Variants in EEF1AKMT1 observed in about 807,000 individuals in gnomAD.
EEF1AKMT1 encodes N-6 adenine-specific DNA methyltransferase 2 (putative).
In EEF1AKMT1, 18 loss-of-function variants were observed where a neutral mutation model predicts 21.0. That is an observed-to-expected ratio of 0.86 (90% CI 0.59 to 1.27). EEF1AKMT1 has a LOEUF of 1.27. Ranked by LOEUF, EEF1AKMT1 falls within the 50% of genes most tolerant of loss-of-function variation. EEF1AKMT1 has a pLI of 0.00. For synonymous variants in EEF1AKMT1, 109 were observed against 94.8 expected, an observed-to-expected ratio of 1.15 and a Z score of -0.87; for missense variants, 246 against 258.6, an observed-to-expected ratio of 0.95 and a Z score of 0.33.
rs141242366 is a variant in EEF1AKMT1 at position 20,754,125 on chromosome 13, A to C, written c.144+3330T>G. Among the ~76,000 whole-genome samples the C allele has an allele frequency of 1.8e-3, 281 of 152,218 alleles. 4 individuals are homozygous for C. The highest frequency in any genetic ancestry group is 6.3e-3 in the African/African-American group (261 of 41,552). On this transcript the variant is annotated intron_variant, in intron 2 of 4. Transcript: ENST00000382758. ...AGATTTCATCCTTTTGCTTCAATGC[A>C]TAGGACTCCTTTAAGTATTTCTTGC...
At chr13:20,746,544 T>C (rs918694217) in intron 2 of EEF1AKMT1, among the ~76,000 whole-genome samples, 1 of 152,216 alleles carries the variant, frequency 6.6e-6, no homozygotes, top group African/African-American at 2.4e-5. Flanking sequence ...ATACAGAGAA[T>C]GGAAGGGCTT....
chr13:20,747,943 G>T, intron 2 of EEF1AKMT1: 1 of 215,340 alleles, frequency 4.6e-6, no homozygotes, highest in South Asian at 9.1e-5. Flanking sequence ...ACCCAAGGTA[G>T]CTATGTACGT....
In EEF1AKMT1 at chr13:20,739,630, A is replaced by G. The variant is rs560794849; in HGVS notation, c.145-1825T>C. On this transcript the variant is annotated intron_variant, in intron 2 of 4. Transcript: ENST00000382758. ...CAGATTAGCTAGACACAGAGCACTG[A>G]TTGGTGCATTTACAAACCTTGAACT... is the stretch of plus-strand genomic sequence containing the variant. Among the ~76,000 whole-genome samples the G allele has an allele frequency of 7.0e-4, 107 of 152,210 alleles. 1 individual carries two copies. Among genetic ancestry groups the G allele is most frequent in the Non-Finnish European group, 9.0e-4 (61 of 68,034 alleles).
chr13:20,752,297 C>G (rs1203722670), intron 2 of EEF1AKMT1, among the ~76,000 whole-genome samples: 1 of 151,980 alleles, frequency 6.6e-6, no homozygotes, highest in Non-Finnish European at 1.5e-5. Flanking sequence ...CATATATAGC[C>G]TTTATTATGA....
chr13:20,730,341 C>T (rs2141408805), intron 4 of EEF1AKMT1, among the ~76,000 whole-genome samples: 1 of 152,284 alleles, frequency 6.6e-6, no homozygotes, highest in African/African-American at 2.4e-5. Context: ...AGAACAGCTT[C>T]CCGTGGCTCC....
chr13:20,742,784 T>C (rs2058879175), intron 2 of EEF1AKMT1, among the ~76,000 whole-genome samples: 1 of 152,218 alleles, frequency 6.6e-6, no homozygotes, highest in Admixed American at 6.5e-5. Flanking sequence ...GCCTCTCTTG[T>C]TGCAACAAGT....
At chr13:20,755,216 C>G (rs1455118745) in intron 2 of EEF1AKMT1, among the ~76,000 whole-genome samples, 1 of 152,224 alleles carries the variant, frequency 6.6e-6, no homozygotes, top group African/African-American at 2.4e-5. Flanking sequence ...CTGGTGGCAG[C>G]AGACCACAGC....
chr13:20,766,122 A>T (rs1026059994), intron 1 of EEF1AKMT1, among the ~76,000 whole-genome samples: 6 of 151,696 alleles, frequency 4.0e-5, no homozygotes, highest in Non-Finnish European at 7.4e-5. Flanking sequence ...ACATGGTGAA[A>T]CCCCATCTCT....
At chr13:20,760,164 G>A (rs1181781552) in intron 1 of EEF1AKMT1, among the ~76,000 whole-genome samples, 1 of 149,504 alleles carries the variant, frequency 6.7e-6, no homozygotes, top group African/African-American at 2.5e-5. Context: ...TATGAGAAAA[G>A]GGAATGCTTA....
intron 1 of EEF1AKMT1, among the ~76,000 whole-genome samples, chr13:20,761,309 CT>C (rs1243342008): frequency 6.6e-6 from 1 of 152,174 alleles, no homozygotes; most frequent in Non-Finnish European, 1.5e-5. Context: ...AATTTTGTCA[CT>C]TTAGATAAAT....
rs558165982 is a variant in EEF1AKMT1, at chr13:20,728,759, T to C, written c.*321A>G. ...TGGCCCGAGGCAGAGGCCAAGGTCC[T>C]GTCTCATTCAGGAGCCCTTGGGCAA... On this transcript the variant is annotated 3_prime_UTR_variant, in exon 5 of 5. Coordinates refer to ENST00000382758, the MANE Select transcript of EEF1AKMT1 (RefSeq NM_001318939.2). 43 of 347,534 alleles carry C rather than the reference T, an allele frequency of 1.2e-4. No individual in the cohort carries two copies. Among genetic ancestry groups the C allele is most frequent in the African/African-American group, 8.6e-4 (41 of 47,590 alleles). The allele number at this position is 347,534 out of a possible 1,614,324, so 21.5% of individuals were successfully genotyped here.
intron 2 of EEF1AKMT1, among the ~76,000 whole-genome samples, chr13:20,748,299 G>A (rs1052533534): frequency 8.0e-4 from 122 of 152,222 alleles, no homozygotes; most frequent in African/African-American, 2.7e-3. Flanking sequence ...AGCCGGGCAT[G>A]GTGGCGGGCG....
chr13:20,741,436 G>GT (rs1303046563), intron 2 of EEF1AKMT1, among the ~76,000 whole-genome samples: 9 of 141,142 alleles, frequency 6.4e-5, no homozygotes, highest in African/African-American at 2.4e-4. Context: ...TTTGTTTGTT[G>GT]TTTTTTAACA....
intron 3 of EEF1AKMT1, among the ~76,000 whole-genome samples, chr13:20,735,398 G>A (rs1190605079): frequency 6.6e-6 from 1 of 152,190 alleles, no homozygotes; most frequent in Non-Finnish European, 1.5e-5. Context: ...GAAGGAAGAT[G>A]CCAGGCACAG....
At chr13:20,772,645 G>A (rs1566541688) in intron 1 of EEF1AKMT1, among the ~76,000 whole-genome samples, 1 of 152,158 alleles carries the variant, frequency 6.6e-6, no homozygotes, top group Non-Finnish European at 1.5e-5. Flanking sequence ...GGGGAGAGGA[G>A]TGAAAGAGCA....
chr13:20,747,218 G>T, intron 2 of EEF1AKMT1: 1 of 217,612 alleles, frequency 4.6e-6, no homozygotes. Context: ...TGGGGCAAGG[G>T]CAGGTATGGC....
chr13:20,771,401 T>C (rs574780011), intron 1 of EEF1AKMT1, among the ~76,000 whole-genome samples: 32 of 152,216 alleles, frequency 2.1e-4, no homozygotes, highest in African/African-American at 7.5e-4. Flanking sequence ...GATCCCAAAA[T>C]GAAAGTATAA....
At chr13:20,735,037 C>T (rs2058818493) in intron 3 of EEF1AKMT1, among the ~76,000 whole-genome samples, 1 of 151,968 alleles carries the variant, frequency 6.6e-6, no homozygotes, top group Admixed American at 6.6e-5. Context: ...GAGCAAAAAC[C>T]AAAGGGCATG....
chr13:20,732,120 T>C lies in EEF1AKMT1; in HGVS notation c.229A>G (p.Ile77Val), dbSNP rs1456677227. 3 of 1,605,374 alleles carry C rather than the reference T, an allele frequency of 1.9e-6. No homozygotes were observed. The highest frequency in any genetic ancestry group is 1.7e-4 in the Middle Eastern group (1 of 6,004). Residue 77 changes from isoleucine (I) to valine (V), a missense_variant and splice_region_variant, in exon 4 of 5, where the codon ATC (isoleucine) becomes GTC (valine). Ile to Val is a conservative substitution (Grantham distance 29, BLOSUM62 3). Coordinates refer to ENST00000382758, the MANE Select transcript of EEF1AKMT1 (RefSeq NM_001318939.2). Reference protein sequence around the residue: ...AIAAVGEGGRIACVSAPSVYQ... With the variant: ...AIAAVGEGGRVACVSAPSVYQ... ...ACACTAGGGGCACTCACACATGCGA[T>C]TCTAGGAGACAAAATGAACACACCA...
Sources: gnomAD v4.1 joint callset for allele counts (sites outside exome capture counted in the v4.1 genomes callset) on GRCh38, gnomAD v4.1.1 for gene constraint, MANE v1.5 for transcripts, NCBI Gene and HGNC (gene_info 2026-07-23, HGNC 2026-07-21) for gene names.